The following COMMD10 variants were observed in gnomAD, a reference collection of about 807,000 sequenced individuals.
COMMD10 encodes COMM domain-containing protein 10.
In COMMD10, 33 loss-of-function variants were observed where a neutral mutation model predicts 28.9. That is an observed-to-expected ratio of 1.14 (90% CI 0.87 to 1.53). COMMD10 has a LOEUF of 1.53. Ranked by LOEUF, COMMD10 falls within the 40% of genes most tolerant of loss-of-function variation. The probability of loss-of-function intolerance (pLI) is 0.00; values close to 1 mark genes in which losing one functional copy is unlikely to be tolerated. For synonymous variants in COMMD10, 110 were observed against 81.7 expected (o/e 1.35, Z -1.87); for missense variants, 310 against 233.4 (o/e 1.33, Z -2.14).
intron 5 of COMMD10, among the ~76,000 whole-genome samples, chr5:116,192,581 A>G (rs532525581): frequency 6.6e-6 from 1 of 152,308 alleles, no homozygotes; most frequent in East Asian, 1.9e-4. Context: ...TCAGAGCTCA[A>G]AGATAAGGTC....
intron 5 of COMMD10, among the ~76,000 whole-genome samples, chr5:116,196,048 C>T (rs1283600446): frequency 6.6e-6 from 1 of 152,156 alleles, no homozygotes; most frequent in Non-Finnish European, 1.5e-5. Flanking sequence ...GAACTAAAAG[C>T]AGAACTACCA....
intron 5 of COMMD10, among the ~76,000 whole-genome samples, chr5:116,289,369 C>G (rs1382903608): frequency 6.6e-6 from 1 of 151,836 alleles, no homozygotes. Flanking sequence ...ACTACCTCCC[C>G]TAGTCTTTGC....
intron 4 of COMMD10, among the ~76,000 whole-genome samples, chr5:116,126,633 C>T (rs1372518405): frequency 1.3e-5 from 2 of 151,610 alleles, no homozygotes; most frequent in Non-Finnish European, 2.9e-5. Context: ...CATCTACAAC[C>T]ATCTGATCTT....
At chr5:116,241,581 T>TATTTA (rs1454580073) in intron 5 of COMMD10, among the ~76,000 whole-genome samples, 6 of 138,852 alleles carry the variant, frequency 4.3e-5, no homozygotes, top group African/African-American at 1.6e-4. Context: ...ACACTCTGCT[T>TATTTA]TCTTATTTAT....
intron 5 of COMMD10, among the ~76,000 whole-genome samples, chr5:116,162,317 G>A (rs1752944438): frequency 6.6e-6 from 1 of 151,642 alleles, no homozygotes; most frequent in Non-Finnish European, 1.5e-5. Context: ...AAGAAAATAT[G>A]AAAATTACAA....
In COMMD10 at chr5:116,124,355, C is replaced by G. The variant is rs191178024; in HGVS notation, c.400-9713C>G. On this transcript the variant is annotated intron_variant, in intron 4 of 6. Transcript: ENST00000274458. Reference sequence around the variant, plus strand: ...AGTAGTCATTCAGGAGCAGATTGTTCAGTTTCCATGTACTTATGCAGTTTT... The same window carrying G: ...AGTAGTCATTCAGGAGCAGATTGTTGAGTTTCCATGTACTTATGCAGTTTT... Among the ~76,000 whole-genome samples the G allele has an allele frequency of 5.9e-5, 9 of 152,298 alleles. No individual in the cohort carries two copies. The East Asian group carries it at 1.2e-3, about 20-fold the overall frequency.
chr5:116,165,378 C>G (rs995117188), intron 5 of COMMD10, among the ~76,000 whole-genome samples: 1 of 152,206 alleles, frequency 6.6e-6, no homozygotes, highest in Admixed American at 6.5e-5. Context: ...TTAATAGCCA[C>G]TCACATACAT....
intron 5 of COMMD10, among the ~76,000 whole-genome samples, chr5:116,253,974 A>C (rs141671268): frequency 0.038 from 5,712 of 151,958 alleles, 343 homozygotes; most frequent in African/African-American, 0.13. Context: ...ACAATTTCAG[A>C]TCCTGTTATT....
intron 5 of COMMD10, among the ~76,000 whole-genome samples, chr5:116,220,408 C>A (rs1417517544): frequency 1.1e-5 from 1 of 94,422 alleles, no homozygotes; most frequent in African/African-American, 2.6e-5. Context: ...TTATCTTTTC[C>A]CTGTAATTCT....
intron 5 of COMMD10, among the ~76,000 whole-genome samples, chr5:116,184,894 A>G (rs996264004): frequency 9.9e-5 from 15 of 152,016 alleles, no homozygotes; most frequent in Non-Finnish European, 2.2e-4. Flanking sequence ...TTGAATCCTG[A>G]CCCCTTCACT....
intron 4 of COMMD10, among the ~76,000 whole-genome samples, chr5:116,096,432 A>G (rs539338045): frequency 1.2e-4 from 18 of 151,788 alleles, no homozygotes; most frequent in Non-Finnish European, 2.2e-4. Context: ...ACTTTTCTAT[A>G]CTGATCTCTA....
intron 2 of COMMD10, among the ~76,000 whole-genome samples, chr5:116,089,855 T>G (rs1448281279): frequency 6.6e-6 from 1 of 152,234 alleles, no homozygotes; most frequent in African/African-American, 2.4e-5. Context: ...TCAGGGGATC[T>G]TCTTTTAGAG....
chr5:116,167,086 G>T (rs955992075), intron 5 of COMMD10, among the ~76,000 whole-genome samples: 2 of 151,972 alleles, frequency 1.3e-5, no homozygotes, highest in Non-Finnish European at 2.9e-5. Flanking sequence ...CCAATGCAGG[G>T]AAGCTAAGAA....
intron 5 of COMMD10, among the ~76,000 whole-genome samples, chr5:116,177,228 T>C (rs541726399): frequency 5.9e-5 from 9 of 152,208 alleles, no homozygotes; most frequent in African/African-American, 9.6e-5. Context: ...GTTGATTGTA[T>C]TGGGTGGACC....
chr5:116,091,325 A>C (rs959032378), intron 3 of COMMD10, 136 bp downstream of exon 3: 3 of 469,942 alleles, frequency 6.4e-6, no homozygotes, highest in Non-Finnish European at 1.2e-5. Flanking sequence ...TTAGTTAAGA[A>C]TTTCAGTGTA....
intron 5 of COMMD10, among the ~76,000 whole-genome samples, chr5:116,182,380 G>A (rs1223540760): frequency 1.3e-5 from 2 of 151,876 alleles, no homozygotes; most frequent in African/African-American, 4.8e-5. Context: ...ATTAATGGTA[G>A]TATTGTTTAC....
intron 5 of COMMD10, chr5:116,218,402 C>G (rs2112641401): frequency 6.4e-6 from 3 of 471,806 alleles, no homozygotes; most frequent in South Asian, 2.1e-5. Context: ...TCATACTGCT[C>G]CAAATCAACC....
rs186734032 is a variant in COMMD10 at position 116,198,409 on chromosome 5, A to G, written c.510+64231A>G. Among the ~76,000 whole-genome samples, 4 of 152,324 alleles carry G rather than the reference A, an allele frequency of 2.6e-5. No individual in the cohort carries two copies. The East Asian group carries it at 7.7e-4, about 29-fold the overall frequency. The stretch of plus-strand genomic sequence containing the variant: ...GTGTTAGGTTCACAGTAAAACTGAT[A>G]GGAAGGTATAGAGATCCCCCGTATA... On this transcript the variant is annotated intron_variant, in intron 5 of 6. Transcript: ENST00000274458.
At chr5:116,216,935 T>G (rs896799404) in intron 5 of COMMD10, among the ~76,000 whole-genome samples, 1 of 152,128 alleles carries the variant, frequency 6.6e-6, no homozygotes, top group Non-Finnish European at 1.5e-5. Flanking sequence ...TTACACTGTA[T>G]TTTTAGTCCA....
Sources: allele counts gnomAD v4.1 joint callset (sites outside exome capture counted in the v4.1 genomes callset), GRCh38; gene constraint gnomAD v4.1.1; transcripts MANE v1.5; gene names NCBI Gene and HGNC (gene_info 2026-07-23, HGNC 2026-07-21).